The following CSNK1G1 variants were observed in gnomAD, a reference collection of about 807,000 sequenced individuals.
The protein encoded by CSNK1G1 is casein kinase 1 gamma 1, also known as casein kinase I isoform gamma-1.
CSNK1G1 carries 22 observed loss-of-function variants against 59.6 expected under a neutral mutation model. That is an observed-to-expected ratio of 0.37 (90% confidence interval 0.26 to 0.53). The LOEUF is 0.53. Ranked by LOEUF, CSNK1G1 falls within the 20% of genes least tolerant of loss-of-function variation. The pLI, the probability that CSNK1G1 is intolerant of heterozygous loss-of-function variation, is 0.89. For synonymous variants in CSNK1G1, 179 were observed against 177.1 expected (o/e 1.01, Z -0.08); for missense variants, 384 against 519.5 (o/e 0.74, Z 2.54).
chr15:64,189,993 T>G (rs2081949818), intron 10 of CSNK1G1, among the ~76,000 whole-genome samples: 1 of 152,054 alleles, frequency 6.6e-6, no homozygotes, highest in Admixed American at 6.6e-5. Context: ...TAATTTTTTT[T>G]GTATTTTCAG....
intron 10 of CSNK1G1, among the ~76,000 whole-genome samples, chr15:64,192,817 T>C (rs938317821): frequency 9.1e-6 from 1 of 110,346 alleles, no homozygotes; most frequent in African/African-American, 3.6e-5. Flanking sequence ...CACTCCACCC[T>C]GAGTGACAGA....
chr15:64,241,150 T>C (rs1257001960), intron 4 of CSNK1G1, among the ~76,000 whole-genome samples: 1 of 152,024 alleles, frequency 6.6e-6, no homozygotes, highest in African/African-American at 2.4e-5. Flanking sequence ...TAAAGATATA[T>C]ACAGACTAAA....
At chr15:64,172,366 C>A (rs971262049) in intron 11 of CSNK1G1, among the ~76,000 whole-genome samples, 2 of 152,162 alleles carry the variant, frequency 1.3e-5, no homozygotes, top group African/African-American at 4.8e-5. Context: ...ATTGTCTACT[C>A]CTTGATACTG....
At chr15:64,264,944 T>C (rs1892901258) in intron 2 of CSNK1G1, among the ~76,000 whole-genome samples, 1 of 152,152 alleles carries the variant, frequency 6.6e-6, no homozygotes, top group Non-Finnish European at 1.5e-5. Flanking sequence ...TTAAAAGCTT[T>C]TCCTCAAAAG....
At chr15:64,209,322 A>G (rs1376758589) in intron 6 of CSNK1G1, among the ~76,000 whole-genome samples, 1 of 152,234 alleles carries the variant, frequency 6.6e-6, no homozygotes, top group Non-Finnish European at 1.5e-5. Flanking sequence ...AAAACCCAAG[A>G]GAGCCAGAGA....
Position 64,216,480 on chromosome 15 carries a change from G to T in CSNK1G1, c.444+82C>A. Reference sequence around the variant, plus strand: ...GTACTAATTCTTGATGTGTTGCTACGGCTAGTAAATCACCAAAAGGCCCAC... The same window carrying T: ...GTACTAATTCTTGATGTGTTGCTACTGCTAGTAAATCACCAAAAGGCCCAC... On this transcript the variant is annotated intron_variant, in intron 5 of 11. Transcript: ENST00000303052. The surrounding 1 kb of genome is among the most constrained non-coding windows in gnomAD (Gnocchi z 4.6). 7.4e-7 allele frequency: 1 copy of T among 1,359,518 alleles called. No homozygotes were observed. Among genetic ancestry groups the T allele is most frequent in the Non-Finnish European group, 1.0e-6 (1 of 969,086 alleles). The allele number at this position is 1,359,518 out of a possible 1,614,324, so 84.2% of individuals were successfully genotyped here.
In CSNK1G1 at chr15:64,231,462, CATAT is replaced by C. The variant is rs2082548585; in HGVS notation, c.293-14753_293-14750del. ...ATATATATATACACACACACATATA[CATAT>C]ATATATTAGGTGCTGTGCCTATCTT... On this transcript the variant is annotated intron_variant, in intron 4 of 11. Transcript: ENST00000303052. Among the ~76,000 whole-genome samples the C allele has an allele frequency of 2.0e-5, 3 of 147,578 alleles. No individual in the cohort carries two copies. The South Asian group carries it at 6.4e-4, about 31-fold the overall frequency.
rs1430547544 is a variant in CSNK1G1, at chr15:64,170,354, C to T, written c.*1577G>A. On this transcript the variant is annotated 3_prime_UTR_variant, in exon 12 of 12. Coordinates refer to ENST00000303052, the MANE Select transcript of CSNK1G1 (RefSeq NM_022048.5). ...CACGGCCACCTTTCTGGAAGGAGTC[C>T]AATTGAGAAGATAATTTCAGACCTT... 1 of 152,370 alleles carries T rather than the reference C, an allele frequency of 6.6e-6. No individual in the cohort carries two copies. Among genetic ancestry groups the T allele is most frequent in the Non-Finnish European group, 1.5e-5 (1 of 68,062 alleles). 9.4% of individuals were successfully genotyped at this position (152,370 alleles called of 1,614,324 possible).
At chr15:64,178,434 T>G (rs2081766650) in intron 11 of CSNK1G1, among the ~76,000 whole-genome samples, 1 of 151,824 alleles carries the variant, frequency 6.6e-6, no homozygotes, top group Admixed American at 6.6e-5. Flanking sequence ...TTACTTTTGA[T>G]GTATTGGGTA....
chr15:64,333,530 G>A (rs960242985), intron 1 of CSNK1G1, among the ~76,000 whole-genome samples: 1 of 146,616 alleles, frequency 6.8e-6, no homozygotes, highest in Non-Finnish European at 1.5e-5. Context: ...AACATAATGA[G>A]GACAACAAAG....
At chr15:64,299,716 G>A (rs1895221023) in intron 2 of CSNK1G1, among the ~76,000 whole-genome samples, 1 of 151,776 alleles carries the variant, frequency 6.6e-6, no homozygotes, top group Admixed American at 6.6e-5. Flanking sequence ...AATTGAAATA[G>A]AAAATCCATT....
In CSNK1G1 at chr15:64,175,110, T is replaced by C. The variant is rs146994467; in HGVS notation, c.1215-3125A>G. On this transcript the variant is annotated intron_variant, in intron 11 of 11. Transcript: ENST00000303052. ...GTGACTGACACCTCACAGGAAAAAA[T>C]AGACCACCACAATGTCGGATTACAC... is the stretch of plus-strand genomic sequence containing the variant. Among the ~76,000 whole-genome samples, 207 of 149,294 alleles carry C rather than the reference T, an allele frequency of 1.4e-3. 2 individuals carry two copies. The highest frequency in any genetic ancestry group is 3.1e-3 in the African/African-American group (124 of 40,348).
In CSNK1G1 at chr15:64,312,677, T is replaced by C. The variant is rs139492956; in HGVS notation, c.-224-11954A>G. 6.5e-4 allele frequency among the ~76,000 whole-genome samples: 99 copies of C among 152,280 alleles called. 1 individual carries two copies. In the East Asian group the frequency reaches 0.019, roughly 29 times the overall value. On this transcript the variant is annotated intron_variant, in intron 1 of 11. Coordinates refer to ENST00000303052, the MANE Select transcript of CSNK1G1 (RefSeq NM_022048.5). The stretch of plus-strand genomic sequence containing the variant: ...CTAGATAAAAACCCAGGCAATACCA[T>C]TCAGGACATAGGCATGGGCAAAGAC...
rs550605915 is a variant in CSNK1G1 at position 64,176,651 on chromosome 15, G to A, written c.1214+3697C>T. Among the ~76,000 whole-genome samples, 10 of 152,192 alleles carry A rather than the reference G, an allele frequency of 6.6e-5. No individual in the cohort carries two copies. The South Asian group carries it at 2.1e-3, about 32-fold the overall frequency. On this transcript the variant is annotated intron_variant, in intron 11 of 11. Coordinates refer to ENST00000303052, the MANE Select transcript of CSNK1G1 (RefSeq NM_022048.5). The surrounding 1 kb of genome is among the most constrained non-coding windows in gnomAD (Gnocchi z 5.2). ...TGTAAGAACTCAATCAAGCACCAGG[G>A]GTGAACCATTTTGGTTCCCATATGA...
At chr15:64,181,436 A>G in intron 10 of CSNK1G1, 1 of 1,521,466 alleles carries the variant, frequency 6.6e-7, no homozygotes, top group Non-Finnish European at 8.8e-7. Flanking sequence ...CTTGGCTGAA[A>G]CATGGGAGAG....
At chr15:64,190,256 T>C (rs2081953007) in intron 10 of CSNK1G1, among the ~76,000 whole-genome samples, 1 of 152,188 alleles carries the variant, frequency 6.6e-6, no homozygotes, top group Admixed American at 6.5e-5. Flanking sequence ...ACTTGCTCTA[T>C]TACCTTATAA....
chr15:64,183,973 G>A (rs528072934), intron 10 of CSNK1G1, among the ~76,000 whole-genome samples: 1 of 152,016 alleles, frequency 6.6e-6, no homozygotes, highest in Non-Finnish European at 1.5e-5. Context: ...CTGACCCCAA[G>A]TGATCTGGCT....
intron 2 of CSNK1G1, among the ~76,000 whole-genome samples, chr15:64,290,782 G>A (rs927999620): frequency 6.6e-6 from 1 of 151,746 alleles, no homozygotes; most frequent in Non-Finnish European, 1.5e-5. Context: ...ACAGAGTCTC[G>A]TTCTTGTCAC....
chr15:64,262,541 A>G (rs996945438), intron 2 of CSNK1G1, among the ~76,000 whole-genome samples: 3 of 152,210 alleles, frequency 2.0e-5, no homozygotes, highest in Admixed American at 1.3e-4. Flanking sequence ...ACAGAAGAAA[A>G]GCCATAAACA....
Sources: allele counts gnomAD v4.1 joint callset (sites outside exome capture counted in the v4.1 genomes callset), GRCh38; gene constraint gnomAD v4.1.1; non-coding constraint Gnocchi (gnomAD v3.1); transcripts MANE v1.5; gene names NCBI Gene and HGNC (gene_info 2026-07-23, HGNC 2026-07-21).